PRKG1: variants seen among roughly 807,000 people sequenced by gnomAD.
PRKG1 encodes cGMP-dependent protein kinase 1.
A neutral mutation model predicts 88.1 loss-of-function variants in PRKG1; 35 were observed. The ratio of observed to expected loss-of-function variants is 0.40; its 90% CI spans 0.30 to 0.53. The LOEUF (loss-of-function observed/expected upper bound fraction) is 0.53. Ranked by LOEUF, PRKG1 falls within the 20% of genes least tolerant of loss-of-function variation. The probability of loss-of-function intolerance (pLI) is 0.59; values close to 1 mark genes in which losing one functional copy is unlikely to be tolerated. For missense variants in PRKG1, 540 were observed against 839.8 expected, an observed-to-expected ratio of 0.64 and a Z score of 4.41; for synonymous variants, 303 against 292.5, an observed-to-expected ratio of 1.04 and a Z score of -0.37.
intron 2 of PRKG1, among the ~76,000 whole-genome samples, chr10:51,160,502 A>G (rs1016345276): frequency 6.6e-6 from 1 of 152,202 alleles, no homozygotes; most frequent in Non-Finnish European, 1.5e-5. Flanking sequence ...GTTAAATAAT[A>G]TCAAATTACT....
intron 2 of PRKG1, among the ~76,000 whole-genome samples, chr10:51,231,887 A>G (rs1010663269): frequency 1.3e-5 from 2 of 152,204 alleles, no homozygotes; most frequent in South Asian, 4.1e-4. Context: ...CCAAATAAAA[A>G]TACAGGTTTT....
intron 1 of PRKG1, among the ~76,000 whole-genome samples, chr10:51,149,746 C>G (rs1175167702): frequency 2.0e-5 from 3 of 152,034 alleles, no homozygotes; most frequent in Non-Finnish European, 4.4e-5. Context: ...CATGTAAGAT[C>G]TGCTTGTTAA....
chr10:51,437,978 C>G (rs79332220), intron 2 of PRKG1, among the ~76,000 whole-genome samples: 1 of 151,616 alleles, frequency 6.6e-6, no homozygotes, highest in South Asian at 2.1e-4. Flanking sequence ...AGATTAAAAA[C>G]ATTGCTGCTG....
chr10:52,207,264 G>T (rs993198040), intron 9 of PRKG1, among the ~76,000 whole-genome samples: 2 of 152,100 alleles, frequency 1.3e-5, no homozygotes, highest in African/African-American at 4.8e-5. Context: ...GTGTGGAGAG[G>T]CTGTATGCAG....
intron 7 of PRKG1, among the ~76,000 whole-genome samples, chr10:52,121,781 A>G (rs12253829): frequency 0.059 from 9,027 of 152,224 alleles, 549 homozygotes; most frequent in East Asian, 0.37. Context: ...CAATTAAGTA[A>G]TCTCTAAGAA....
intron 1 of PRKG1, among the ~76,000 whole-genome samples, chr10:51,000,048 T>C (rs541267787): frequency 6.6e-6 from 1 of 152,290 alleles, no homozygotes; most frequent in South Asian, 2.1e-4. Flanking sequence ...CACACTCCAT[T>C]TGGTCTCCTC....
At chr10:51,956,239 A>C (rs1843299320) in intron 5 of PRKG1, among the ~76,000 whole-genome samples, 1 of 152,038 alleles carries the variant, frequency 6.6e-6, no homozygotes, top group African/African-American at 2.4e-5. Flanking sequence ...TGTGGTTTCA[A>C]GTGATATACT....
intron 3 of PRKG1, among the ~76,000 whole-genome samples, chr10:51,617,565 T>C (rs1052335521): frequency 2.6e-5 from 4 of 152,298 alleles, no homozygotes; most frequent in African/African-American, 9.6e-5. Context: ...AATATGTTTA[T>C]ATACACAAAT....
chr10:51,822,968 A>G (rs1036715328), intron 4 of PRKG1, among the ~76,000 whole-genome samples: 1 of 152,188 alleles, frequency 6.6e-6, no homozygotes, highest in African/African-American at 2.4e-5. Context: ...GTGGGAATTC[A>G]TGAGGTCAAA....
At chr10:51,811,084 C>T (rs2132623485) in intron 4 of PRKG1, among the ~76,000 whole-genome samples, 1 of 152,226 alleles carries the variant, frequency 6.6e-6, no homozygotes, top group Admixed American at 6.5e-5. Flanking sequence ...CAGTAAAAAA[C>T]AGAGCTTAGA....
chr10:52,197,357 C>T (rs1251413851), intron 9 of PRKG1, among the ~76,000 whole-genome samples: 7 of 152,038 alleles, frequency 4.6e-5, no homozygotes, highest in Non-Finnish European at 8.8e-5. Flanking sequence ...AAGATTATAC[C>T]AAGTGATTCT....
intron 3 of PRKG1, among the ~76,000 whole-genome samples, chr10:51,772,367 C>A (rs1838325405): frequency 6.6e-6 from 1 of 151,224 alleles, no homozygotes; most frequent in Admixed American, 6.6e-5. Context: ...TTGGAAACAA[C>A]AAAAATAATT....
chr10:52,179,152 C>CT (rs1420225204), intron 9 of PRKG1, among the ~76,000 whole-genome samples: 5 of 151,466 alleles, frequency 3.3e-5, no homozygotes, highest in African/African-American at 1.2e-4. Context: ...ATTCATTTTT[C>CT]TTTTTCCTTT....
chr10:51,329,662 T>G (rs1465976064), intron 2 of PRKG1, among the ~76,000 whole-genome samples: 1 of 152,228 alleles, frequency 6.6e-6, no homozygotes, highest in Non-Finnish European at 1.5e-5. Context: ...TCTTTAATTC[T>G]CCTTCATTTC....
intron 10 of PRKG1, among the ~76,000 whole-genome samples, chr10:52,262,658 T>A (rs1841460183): frequency 6.6e-6 from 1 of 152,068 alleles, no homozygotes; most frequent in South Asian, 2.1e-4. Context: ...TATTACAATA[T>A]TTTAACCTTC....
At chr10:52,065,981 A>G (rs151049585) in intron 7 of PRKG1, among the ~76,000 whole-genome samples, 1 of 152,248 alleles carries the variant, frequency 6.6e-6, no homozygotes, top group African/African-American at 2.4e-5. Context: ...GCCAGAAAAT[A>G]AGGCCCCACT....
rs148645722 is a variant in PRKG1, at chr10:51,790,618, G to A, written c.593-13967G>A. ...TGAATCCCCTAGAGTCTTTAAATTT[G>A]TTCATAGAGCATTGATCTTATGAGA... On this transcript the variant is annotated intron_variant, in intron 3 of 17. Transcript: ENST00000373980. 3.6e-4 allele frequency among the ~76,000 whole-genome samples: 54 copies of A among 152,106 alleles called. 2 individuals are homozygous for A. The East Asian group carries it at 0.01, about 28-fold the overall frequency.
At chr10:51,551,157 A>T (rs539622944) in intron 3 of PRKG1, among the ~76,000 whole-genome samples, 1 of 151,998 alleles carries the variant, frequency 6.6e-6, no homozygotes, top group African/African-American at 2.4e-5. Context: ...TGGGTATTTA[A>T]CTTGCAACCA....
Position 51,171,900 on chromosome 10 carries a change from A to G in PRKG1, c.478+18570A>G, listed in dbSNP as rs1427811182. 2.0e-5 allele frequency among the ~76,000 whole-genome samples: 3 copies of G among 152,102 alleles called. No individual in the cohort carries two copies. In the East Asian group the frequency reaches 5.8e-4, roughly 29 times the overall value. ...GAACAGAAATTGTTTTATACTTGATAGTGTGTTTCCTCCTGTGTACTTCTG... is the reference window on the plus strand; with the variant it reads ...GAACAGAAATTGTTTTATACTTGATGGTGTGTTTCCTCCTGTGTACTTCTG... On this transcript the variant is annotated intron_variant, in intron 2 of 17. Transcript: ENST00000373980.
Sources: gnomAD v4.1 joint callset for allele counts (sites outside exome capture counted in the v4.1 genomes callset) on GRCh38, gnomAD v4.1.1 for gene constraint, MANE v1.5 for transcripts, NCBI Gene and HGNC (gene_info 2026-07-23, HGNC 2026-07-21) for gene names.